HECW2: variants seen among roughly 807,000 people sequenced by gnomAD.
HECW2 encodes the protein E3 ubiquitin-protein ligase HECW2.
Under a neutral mutation model 175.2 loss-of-function variants are expected in HECW2, and 61 were observed. The observed-to-expected ratio is 0.35, with a 90% CI of 0.28 to 0.43. The LOEUF (loss-of-function observed/expected upper bound fraction) is 0.43. HECW2 is among the 20% of genes least tolerant of loss of function. The pLI is 1.00. For synonymous variants in HECW2, 671 were observed against 731.0 expected (o/e 0.92, Z 1.32); for missense variants, 1,524 against 2,000.5 (o/e 0.76, Z 4.54).
At chr2:196,375,253 C>T (rs1320073261) in intron 2 of HECW2, among the ~76,000 whole-genome samples, 4 of 151,958 alleles carry the variant, frequency 2.6e-5, no homozygotes, top group African/African-American at 9.7e-5. Flanking sequence ...CAGATATCAA[C>T]TTAAAGAGAA....
intron 2 of HECW2, among the ~76,000 whole-genome samples, chr2:196,412,858 C>T (rs556390812): frequency 6.6e-6 from 1 of 152,296 alleles, no homozygotes; most frequent in South Asian, 2.1e-4. Flanking sequence ...AATCCTTTTA[C>T]CCCAGTTCAA....
chr2:196,559,704 A>G (rs1203341970), intron 1 of HECW2, among the ~76,000 whole-genome samples: 1 of 152,214 alleles, frequency 6.6e-6, no homozygotes, highest in Non-Finnish European at 1.5e-5. Context: ...AGAATACAGA[A>G]AGCAGAAAAA....
intron 1 of HECW2, among the ~76,000 whole-genome samples, chr2:196,553,538 C>T (rs1178779382): frequency 6.6e-6 from 1 of 152,196 alleles, no homozygotes; most frequent in African/African-American, 2.4e-5. Context: ...AAGTGTTTGC[C>T]TTACACCCTT....
In HECW2 at chr2:196,329,579, C is replaced by T. The variant is rs1692281022; in HGVS notation, c.567G>A (p.Leu189=). The T allele has an allele frequency of 6.2e-7, 1 of 1,612,446 alleles. No homozygotes were observed. Among genetic ancestry groups the T allele is most frequent in the Non-Finnish European group, 8.5e-7 (1 of 1,178,604 alleles). Reference sequence around the variant, plus strand: ...CACGTTTAAAGACATTCTTACCTGACAATGTAAAGCTAACAAGTTTTCGAG... The same window carrying T: ...CACGTTTAAAGACATTCTTACCTGATAATGTAAAGCTAACAAGTTTTCGAG... ...LHSRKLVSFT[L]SDLRAVGLKK... is the part of the protein sequence containing the mutation. The change falls in exon 5 of 29, where the codon TTG becomes TTA. Residue 189 remains leucine (L), a synonymous_variant. Coordinates refer to ENST00000644978, the MANE Select transcript of HECW2 (RefSeq NM_001348768.2).
At chr2:196,306,242 T>C (rs1691255092) in intron 13 of HECW2, among the ~76,000 whole-genome samples, 1 of 152,164 alleles carries the variant, frequency 6.6e-6, no homozygotes, top group Non-Finnish European at 1.5e-5. Context: ...TCCAGAATCA[T>C]GAGAAATAAA....
intron 4 of HECW2, among the ~76,000 whole-genome samples, chr2:196,330,125 T>A (rs1692304104): frequency 6.6e-6 from 1 of 152,178 alleles, no homozygotes; most frequent in South Asian, 2.1e-4. Flanking sequence ...GAGTCCTATC[T>A]CCCTTGTAGG....
At chr2:196,338,818 G>A (rs1692644776) in intron 3 of HECW2, among the ~76,000 whole-genome samples, 1 of 152,200 alleles carries the variant, frequency 6.6e-6, no homozygotes, top group Non-Finnish European at 1.5e-5. Context: ...TCTAGAACAT[G>A]ACTTTCACCA....
At chr2:196,314,818 T>C (rs1165513833) in intron 10 of HECW2, among the ~76,000 whole-genome samples, 1 of 152,184 alleles carries the variant, frequency 6.6e-6, no homozygotes, top group East Asian at 1.9e-4. Context: ...TGGGCCAATC[T>C]GCACGATCCA....
rs192866894 is a variant in HECW2 at position 196,581,966 on chromosome 2, T to G, written c.-36+11542A>C. Among the ~76,000 whole-genome samples the G allele has an allele frequency of 4.8e-3, 728 of 152,054 alleles. 5 individuals carry two copies. Among genetic ancestry groups the G allele is most frequent in the African/African-American group, 0.016 (676 of 41,426 alleles). On this transcript the variant is annotated intron_variant, in intron 1 of 28. Coordinates refer to ENST00000644978, the MANE Select transcript of HECW2 (RefSeq NM_001348768.2). ...CTGTAGTCCCAGCTACTCAGGAGGCTGAGGCAAGAGAATGATGTGAACCCA... is the reference window on the plus strand; with the variant it reads ...CTGTAGTCCCAGCTACTCAGGAGGCGGAGGCAAGAGAATGATGTGAACCCA...
At chr2:196,519,084 G>C (rs1173784571) in intron 1 of HECW2, among the ~76,000 whole-genome samples, 1 of 152,176 alleles carries the variant, frequency 6.6e-6, no homozygotes, top group Non-Finnish European at 1.5e-5. Context: ...ATATGTGTAA[G>C]TGCTTTACAT....
intron 2 of HECW2, among the ~76,000 whole-genome samples, chr2:196,392,590 G>C (rs1430793338): frequency 1.3e-5 from 2 of 151,904 alleles, no homozygotes; most frequent in African/African-American, 4.8e-5. Flanking sequence ...AGTAGGAGTA[G>C]GTAACAGAAA....
At chr2:196,296,081 A>T (rs1300137106) in intron 13 of HECW2, among the ~76,000 whole-genome samples, 2 of 152,214 alleles carry the variant, frequency 1.3e-5, no homozygotes, top group African/African-American at 2.4e-5. Context: ...TCTATAAAAA[A>T]AACTATGTTT....
intron 2 of HECW2, among the ~76,000 whole-genome samples, chr2:196,413,647 C>A (rs1695176525): frequency 1.3e-5 from 2 of 152,184 alleles, no homozygotes; most frequent in Admixed American, 1.3e-4. Context: ...GCCCAGCCGA[C>A]CCTGTCTCAA....
At chr2:196,424,531 C>T (rs1170983098) in intron 2 of HECW2, among the ~76,000 whole-genome samples, 1 of 152,108 alleles carries the variant, frequency 6.6e-6, no homozygotes, top group Non-Finnish European at 1.5e-5. Flanking sequence ...ATTTAAAATG[C>T]TATTCCAAAG....
intron 1 of HECW2, among the ~76,000 whole-genome samples, chr2:196,434,049 T>A (rs1238839399): frequency 2.0e-5 from 3 of 152,000 alleles, no homozygotes; most frequent in African/African-American, 7.3e-5. Context: ...TTTCTTGATT[T>A]TTCTCTATAG....
At chr2:196,534,667 T>C (rs964463759) in intron 1 of HECW2, among the ~76,000 whole-genome samples, 4 of 152,152 alleles carry the variant, frequency 2.6e-5, no homozygotes, top group East Asian at 1.9e-4. Flanking sequence ...CTTTGAGATA[T>C]AAATTTTTCA....
intron 19 of HECW2, among the ~76,000 whole-genome samples, chr2:196,244,320 T>G (rs1038732461): frequency 6.6e-6 from 1 of 152,234 alleles, no homozygotes; most frequent in Non-Finnish European, 1.5e-5. Flanking sequence ...CCTAGTCCTA[T>G]AGATCCCAGT....
chr2:196,334,276 G>A (rs997786884), intron 4 of HECW2, 148 bp downstream of exon 4: 1 of 579,038 alleles, frequency 1.7e-6, no homozygotes, highest in East Asian at 2.8e-5. Context: ...AACCTTGTAA[G>A]CTATTTCCTT....
intron 1 of HECW2, among the ~76,000 whole-genome samples, chr2:196,583,831 G>T (rs867047552): frequency 7.2e-5 from 11 of 152,214 alleles, no homozygotes; most frequent in Non-Finnish European, 8.8e-5. Context: ...AGGGGCATCT[G>T]CCAAGTTTCC....
Sources: gnomAD v4.1 joint callset for allele counts (sites outside exome capture counted in the v4.1 genomes callset) on GRCh38, gnomAD v4.1.1 for gene constraint, MANE v1.5 for transcripts, NCBI Gene and HGNC (gene_info 2026-07-23, HGNC 2026-07-21) for gene names.